The following OGG1 variants were observed in gnomAD, a reference collection of about 807,000 sequenced individuals.
The protein encoded by OGG1 is N-glycosylase/DNA lyase.
In OGG1, 35 loss-of-function variants were observed where a neutral mutation model predicts 42.3. The observed-to-expected ratio is 0.83, with a 90% CI of 0.63 to 1.10. OGG1 has a LOEUF of 1.10. Among genes scored for constraint, OGG1 ranks in the 50% least tolerant of loss-of-function variants. The pLI is 0.00. For synonymous variants in OGG1, 189 were observed against 179.0 expected (o/e 1.06, Z -0.44); for missense variants, 484 against 446.7 (o/e 1.08, Z -0.75).
At chr3:9,768,427 CATCTAACCCT>C (rs2078216329), downstream of OGG1, among the ~76,000 whole-genome samples, 1 of 152,226 alleles carries the variant, frequency 6.6e-6, no homozygotes, top group African/African-American at 2.4e-5. Context: ...TTCCTGGCCC[CATCTAACCCT>C]ATCCAGCCTG....
chr3:9,761,737 G>C, downstream of OGG1: 2 of 1,614,162 alleles, frequency 1.2e-6, no homozygotes, highest in Non-Finnish European at 1.7e-6. Flanking sequence ...CATCCAGGCT[G>C]TAGTACAGCA....
chr3:9,789,560 G>A (rs765787745), downstream of OGG1: 7 of 1,614,160 alleles, frequency 4.3e-6, no homozygotes, highest in Non-Finnish European at 5.9e-6. Context: ...CCTCAAGTGT[G>A]CGGACCTCCT....
intron 2 of OGG1, among the ~76,000 whole-genome samples, chr3:9,774,994 A>G (rs1239270163): frequency 3.3e-5 from 5 of 150,230 alleles, no homozygotes; most frequent in Non-Finnish European, 7.4e-5. Context: ...TCATGCCTAT[A>G]ATCCCAGCAC....
intron 2 of OGG1, among the ~76,000 whole-genome samples, chr3:9,774,118 A>T (rs912241258): frequency 1.3e-5 from 2 of 152,134 alleles, no homozygotes; most frequent in South Asian, 2.1e-4. Context: ...TTTATTTTTT[A>T]AAATTCTTTG....
At chr3:9,766,093 A>G (rs2125594280) in exon 8 of OGG1, 4 of 1,495,654 alleles carry the variant, frequency 2.7e-6, no homozygotes, top group Non-Finnish European at 3.7e-6. Flanking sequence ...CCCTGGCCAC[A>G]GTAATTGGTC....
chr3:9,750,490 A>T (rs567190973), intron 1 of OGG1, 67 bp downstream of exon 1: 1 of 1,602,762 alleles, frequency 6.2e-7, no homozygotes, highest in South Asian at 1.1e-5. Flanking sequence ...ACTGCCTGGC[A>T]TGGGGTACAA....
At position 9,765,858 on chromosome 3, in the gene OGG1, T is replaced by C. The variant is rs775439790; in HGVS notation, c.*27T>C. 5 of 1,613,902 alleles carry C rather than the reference T, an allele frequency of 3.1e-6. No homozygotes were observed. Among genetic ancestry groups the C allele is most frequent in the Non-Finnish European group, 4.2e-6 (5 of 1,179,988 alleles). ...GGCCACCAGCTTCTGCGTCCTCTTATCTTCTGCCAGGATCACCTCCGAGAA... is the reference window on the plus strand; with the variant it reads ...GGCCACCAGCTTCTGCGTCCTCTTACCTTCTGCCAGGATCACCTCCGAGAA... On this transcript the variant is annotated 3_prime_UTR_variant, in exon 8 of 8. Transcript: ENST00000302008.
chr3:9,754,589 G>T, intron 3 of OGG1, 115 bp from the exon 4 acceptor site: 1 of 1,101,496 alleles, frequency 9.1e-7, no homozygotes, highest in Non-Finnish European at 1.3e-6. Context: ...GGGTGGGGAG[G>T]TAGGAGGGGA....
At chr3:9,751,702 C>T (rs2077308113) in intron 2 of OGG1, 68 bp from the exon 3 acceptor site, 2 of 1,464,006 alleles carry the variant, frequency 1.4e-6, no homozygotes, top group East Asian at 2.3e-5. Context: ...AGGATCTGAC[C>T]TGTGGGTGGG....
chr3:9,760,512 G>A (rs2077804540), downstream of OGG1: 1 of 729,956 alleles, frequency 1.4e-6, no homozygotes, highest in Admixed American at 2.3e-5. Flanking sequence ...AGGAAGAAGG[G>A]GTAGGGTGTC....
chr3:9,758,028 A>G (rs2077668191), downstream of OGG1: 3 of 848,068 alleles, frequency 3.5e-6, no homozygotes, highest in Non-Finnish European at 5.3e-6. Context: ...TTACACACAC[A>G]CACGCACATA....
At chr3:9,752,121 A>C in intron 3 of OGG1, 172 bp downstream of exon 3, 1 of 642,430 alleles carries the variant, frequency 1.6e-6, no homozygotes, top group Non-Finnish European at 2.8e-6. Context: ...TGCATCCCTA[A>C]AATGTCAGCA....
chr3:9,787,790 C>G, exon 4 of OGG1: 1 of 1,093,274 alleles, frequency 9.1e-7, no homozygotes, highest in Non-Finnish European at 1.2e-6. Context: ...TGTGGCAGCA[C>G]AAAGGAGAGA....
intron 5 of OGG1, 63 bp downstream of exon 5, chr3:9,756,684 T>C (rs536607200): frequency 1.2e-4 from 194 of 1,612,904 alleles, no homozygotes; most frequent in Non-Finnish European, 1.6e-4. Flanking sequence ...CTCTCTCTCT[T>C]AGTCACCTCT....
intron 3 of OGG1, chr3:9,783,315 A>C (rs1026758419): frequency 3.3e-5 from 5 of 152,090 alleles, no homozygotes; most frequent in African/African-American, 1.2e-4. Flanking sequence ...AAGAAGCGTA[A>C]ATTTTTTTTC....
At position 9,750,321 on chromosome 3, in the gene OGG1, G is replaced by C; in HGVS notation, c.35G>C (p.Gly12Ala). Residue 12 changes from glycine to alanine, a missense_variant, in exon 1 of 7, where the codon GGG (glycine) becomes GCG (alanine). Gly to Ala is a moderately conservative substitution (Grantham distance 60). Transcript: ENST00000344629. ...CGCGCGCTTCTGCCCAGGCGCATGG[G>C]GCATCGTACTCTAGCCTCCACTCCT... Reference protein sequence around the residue: ...PARALLPRRMGHRTLASTPAL... With the variant: ...PARALLPRRMAHRTLASTPAL... 1 of 1,613,710 alleles carries C rather than the reference G, an allele frequency of 6.2e-7. No individual in the cohort carries two copies. The highest frequency in any genetic ancestry group is 2.2e-5 in the East Asian group (1 of 44,876).
chr3:9,763,061 G>A (rs1439260868), intron 7 of OGG1: 1 of 1,614,186 alleles, frequency 6.2e-7, no homozygotes, highest in South Asian at 1.1e-5. Flanking sequence ...CCCTGCAGCA[G>A]GGGATAGGGC....
At chr3:9,771,862 G>A (rs1189762738) in intron 2 of OGG1, among the ~76,000 whole-genome samples, 1 of 135,730 alleles carries the variant, frequency 7.4e-6, no homozygotes, top group Non-Finnish European at 1.5e-5. Context: ...TGTTGCCCAG[G>A]CTGGAGTGCA....
chr3:9,762,792 C>G, intron 7 of OGG1: 1 of 943,430 alleles, frequency 1.1e-6, no homozygotes, highest in Non-Finnish European at 1.6e-6. Flanking sequence ...ACAAGATCCA[C>G]TTTGTAGATG....
Sources: allele counts gnomAD v4.1 joint callset (sites outside exome capture counted in the v4.1 genomes callset), GRCh38; gene constraint gnomAD v4.1.1; transcripts MANE v1.5; gene names NCBI Gene and HGNC (gene_info 2026-07-23, HGNC 2026-07-21).